The following SESN3 variants were observed in gnomAD, a reference collection of about 807,000 sequenced individuals.
SESN3 encodes sestrin 3.
In SESN3, 21 loss-of-function variants were observed where a neutral mutation model predicts 55.3. The observed-to-expected ratio is 0.38, with a 90% CI of 0.27 to 0.55. The LOEUF is 0.55. Among genes scored for constraint, SESN3 ranks in the 20% least tolerant of loss-of-function variants. The probability of loss-of-function intolerance (pLI) is 0.76; values close to 1 mark genes in which losing one functional copy is unlikely to be tolerated. For synonymous variants in SESN3, 181 were observed against 203.1 expected (o/e 0.89, Z 0.93); for missense variants, 408 against 604.3 (o/e 0.68, Z 3.41).
At position 95,178,867 on chromosome 11, in the gene SESN3, G is replaced by A. The variant is rs116951445; in HGVS notation, c.938-39C>T. ...TGAACAATCTAGTGTTAAGGATACT[G>A]TACGTGGTTATGACAATAAAACGGA... On this transcript the variant is annotated intron_variant, in intron 6 of 9. Coordinates refer to ENST00000536441, the MANE Select transcript of SESN3 (RefSeq NM_144665.4). 7.5e-3 allele frequency: 8,872 copies of A among 1,186,910 alleles called. 39 individuals carry two copies. Among genetic ancestry groups the A allele is most frequent in the Admixed American group, 0.012 (671 of 57,838 alleles). 73.5% of individuals were successfully genotyped at this position (1,186,910 alleles called of 1,614,324 possible).
chr11:95,201,988 C>T (rs1287283305), intron 1 of SESN3, among the ~76,000 whole-genome samples: 1 of 151,988 alleles, frequency 6.6e-6, no homozygotes, highest in Non-Finnish European at 1.5e-5. Flanking sequence ...AAATGCTATC[C>T]ATACTTCCCT....
In SESN3 at chr11:95,170,128, A is replaced by C. The variant is rs1294291432; in HGVS notation, c.*3127T>G. On this transcript the variant is annotated 3_prime_UTR_variant, in exon 10 of 10. Transcript: ENST00000536441. Reference sequence around the variant, plus strand: ...GGAAGGAGGTAATAAGCTGTCTCAAAAGCCTCTTTTCCCCTAATAGTCATA... The same window carrying C: ...GGAAGGAGGTAATAAGCTGTCTCAACAGCCTCTTTTCCCCTAATAGTCATA... 1.3e-5 allele frequency: 2 copies of C among 152,212 alleles called. No homozygotes were observed. The highest frequency in any genetic ancestry group is 2.1e-4 in the South Asian group (1 of 4,830). The allele number at this position is 152,212 out of a possible 1,614,324, so 9.4% of individuals were successfully genotyped here.
At chr11:95,196,748 C>T (rs1860368452) in intron 1 of SESN3, among the ~76,000 whole-genome samples, 2 of 152,228 alleles carry the variant, frequency 1.3e-5, no homozygotes, top group African/African-American at 4.8e-5. Context: ...CTCTACAGGA[C>T]AGCGCAGACA....
At chr11:95,215,825 G>A (rs527316069) in intron 1 of SESN3, among the ~76,000 whole-genome samples, 10 of 152,202 alleles carry the variant, frequency 6.6e-5, no homozygotes, top group African/African-American at 2.4e-4. Context: ...TTGGCCGGGC[G>A]CGGTGGCTCA....
At chr11:95,178,636 T>C in intron 7 of SESN3, 74 bp downstream of exon 7, 1 of 945,724 alleles carries the variant, frequency 1.1e-6, no homozygotes, top group Non-Finnish European at 1.7e-6. Flanking sequence ...TTAGTGCCAA[T>C]TTTTAAAATT....
chr11:95,223,244 A>C (rs541377713), intron 1 of SESN3, among the ~76,000 whole-genome samples: 2 of 152,250 alleles, frequency 1.3e-5, no homozygotes, highest in African/African-American at 2.4e-5. Context: ...CCCACATTCA[A>C]ACAATGCTTG....
At chr11:95,198,919 A>G (rs1390613239) in intron 1 of SESN3, among the ~76,000 whole-genome samples, 2 of 138,828 alleles carry the variant, frequency 1.4e-5, no homozygotes, top group South Asian at 4.6e-4. Flanking sequence ...ATAGCATAAT[A>G]AACATGTACT....
At chr11:95,175,360 AC>A (rs1229122091) in intron 9 of SESN3, 137 bp downstream of exon 9, 18 of 716,196 alleles carry the variant, frequency 2.5e-5, no homozygotes, top group Non-Finnish European at 3.5e-5. Flanking sequence ...AAGCAAAAAA[AC>A]CCCAGATAGC....
rs1859752511 is a variant in SESN3, at chr11:95,166,558, T to C, written c.*6697A>G. 1 of 152,192 alleles carries C rather than the reference T, an allele frequency of 6.6e-6. No homozygotes were observed. The highest frequency in any genetic ancestry group is 1.5e-5 in the Non-Finnish European group (1 of 68,022). 9.4% of individuals were successfully genotyped at this position (152,192 alleles called of 1,614,324 possible). On this transcript the variant is annotated 3_prime_UTR_variant, in exon 10 of 10. Transcript: ENST00000536441. The stretch of plus-strand genomic sequence containing the variant: ...ATGTAGCTGTCCTGCAAAACCAGGA[T>C]TTTTTAAAAAGAGTTTTCAAGTTCA...
At chr11:95,214,167 TCA>T (rs1353388359) in intron 1 of SESN3, among the ~76,000 whole-genome samples, 1 of 152,166 alleles carries the variant, frequency 6.6e-6, no homozygotes, top group Non-Finnish European at 1.5e-5. Flanking sequence ...AGAAAAATGG[TCA>T]CTAGAAAAGC....
chr11:95,208,213 T>C (rs1737417490), intron 1 of SESN3, among the ~76,000 whole-genome samples: 1 of 151,504 alleles, frequency 6.6e-6, no homozygotes, highest in East Asian at 1.9e-4. Context: ...GAATAACTTT[T>C]GAAAGTCCTC....
In SESN3 at chr11:95,178,709, C is replaced by A. The variant is rs1860004634; in HGVS notation, c.1056+1G>T. 6.4e-7 allele frequency: 1 copy of A among 1,566,086 alleles called. No homozygotes were observed. Among genetic ancestry groups the A allele is most frequent in the South Asian group, 1.1e-5 (1 of 90,008 alleles). On this transcript the variant is annotated splice_donor_variant, in intron 7 of 9. Transcript: ENST00000536441. LOFTEE classifies it high-confidence loss of function. ...TTCTCTGAATTAAAGACATATTATA[C>A]CTGAGCTCGGAATGTTGGCAAATGC... is the stretch of plus-strand genomic sequence containing the variant.
chr11:95,173,507 T>C (rs1859894273), intron 9 of SESN3, among the ~76,000 whole-genome samples, 166 bp from the exon 10 acceptor site: 1 of 152,180 alleles, frequency 6.6e-6, no homozygotes, highest in Non-Finnish European at 1.5e-5. Flanking sequence ...CTGTGTCTAA[T>C]GGCTCTGCAA....
intron 9 of SESN3, among the ~76,000 whole-genome samples, chr11:95,174,073 T>A (rs776541835): frequency 1.3e-5 from 2 of 152,060 alleles, no homozygotes; most frequent in Admixed American, 1.3e-4. Flanking sequence ...AGCAAACATA[T>A]AAATATGGGA....
At position 95,195,725 on chromosome 11, in the gene SESN3, C is replaced by T. The variant is rs959200898; in HGVS notation, c.79-2203G>A. Among the ~76,000 whole-genome samples, 7 of 152,220 alleles carry T rather than the reference C, an allele frequency of 4.6e-5. No individual in the cohort carries two copies. In the East Asian group the frequency reaches 7.7e-4, roughly 17 times the overall value. On this transcript the variant is annotated intron_variant, in intron 1 of 9. Coordinates refer to ENST00000536441, the MANE Select transcript of SESN3 (RefSeq NM_144665.4). Reference sequence around the variant, plus strand: ...CTTGGGACATATTTTGTTGTGTTTACGATAGTTTCTTTAGGAAGATTCCCA... The same window carrying T: ...CTTGGGACATATTTTGTTGTGTTTATGATAGTTTCTTTAGGAAGATTCCCA...
At chr11:95,194,032 A>G (rs572359615) in intron 1 of SESN3, among the ~76,000 whole-genome samples, 6 of 152,248 alleles carry the variant, frequency 3.9e-5, no homozygotes, top group African/African-American at 1.4e-4. Context: ...AGGAGAGGTT[A>G]GTTCAATATA....
At chr11:95,196,257 T>G (rs1860359360) in intron 1 of SESN3, among the ~76,000 whole-genome samples, 1 of 152,222 alleles carries the variant, frequency 6.6e-6, no homozygotes, top group African/African-American at 2.4e-5. Flanking sequence ...ACTCTACTAC[T>G]GTATTGTCTC....
At position 95,188,171 on chromosome 11, in the gene SESN3, T is replaced by C. The variant is rs954641177; in HGVS notation, c.525+1608A>G. ...TAATGATTCTCGATTCTCTATCATA[T>C]TGATCTCCAAGCTCTTGTGATCAAA... On this transcript the variant is annotated intron_variant, in intron 4 of 9. Coordinates refer to ENST00000536441, the MANE Select transcript of SESN3 (RefSeq NM_144665.4). 7.2e-5 allele frequency among the ~76,000 whole-genome samples: 11 copies of C among 151,828 alleles called. No individual in the cohort carries two copies. The East Asian group carries it at 2.1e-3, about 29-fold the overall frequency.
At chr11:95,179,389 C>T (rs558550066) in intron 6 of SESN3, among the ~76,000 whole-genome samples, 1 of 152,118 alleles carries the variant, frequency 6.6e-6, no homozygotes, top group South Asian at 2.1e-4. Context: ...CTCCTGACCT[C>T]GTGATCCACC....
Sources: allele counts gnomAD v4.1 joint callset (sites outside exome capture counted in the v4.1 genomes callset), GRCh38; gene constraint gnomAD v4.1.1; transcripts MANE v1.5; gene names NCBI Gene and HGNC (gene_info 2026-07-23, HGNC 2026-07-21).